LUZP2: variants seen among roughly 807,000 people sequenced by gnomAD.
LUZP2 encodes the protein leucine zipper protein 2.
In LUZP2, 52 loss-of-function variants were observed where a neutral mutation model predicts 51.6. The observed-to-expected ratio is 1.01, with a 90% CI of 0.81 to 1.27. The LOEUF (loss-of-function observed/expected upper bound fraction) is 1.27. Ranked by LOEUF, LUZP2 falls within the 50% of genes most tolerant of loss-of-function variation. The probability of loss-of-function intolerance (pLI) is 0.00; values close to 1 mark genes in which losing one functional copy is unlikely to be tolerated. For synonymous variants in LUZP2, 154 were observed against 137.3 expected (o/e 1.12, Z -0.85); for missense variants, 436 against 395.4 (o/e 1.10, Z -0.87).
At position 24,947,135 on chromosome 11, in the gene LUZP2, A is replaced by G. The variant is rs148049330; in HGVS notation, c.523-29456A>G. On this transcript the variant is annotated intron_variant, in intron 7 of 11. Transcript: ENST00000336930. ...CCAATAACATAAACAGTCAATTTCC[A>G]TATATTTTGTATATTACATGTATTA... Among the ~76,000 whole-genome samples the G allele has an allele frequency of 1.2e-4, 18 of 152,152 alleles. No individual in the cohort carries two copies. In the East Asian group the frequency reaches 3.3e-3, roughly 28 times the overall value.
intron 1 of LUZP2, among the ~76,000 whole-genome samples, chr11:24,633,248 A>G (rs1590270825): frequency 6.6e-6 from 1 of 152,180 alleles, no homozygotes; most frequent in East Asian, 1.9e-4. Context: ...AAAAACAATG[A>G]AACAAACAGA....
intron 9 of LUZP2, among the ~76,000 whole-genome samples, chr11:25,005,283 C>A (rs1856803418): frequency 1.3e-5 from 2 of 152,062 alleles, no homozygotes; most frequent in Admixed American, 1.3e-4. Context: ...GCTGAAAGGT[C>A]CTCCTGTGAG....
chr11:24,513,038 G>T (rs562912243), intron 1 of LUZP2, among the ~76,000 whole-genome samples: 1 of 152,068 alleles, frequency 6.6e-6, no homozygotes, highest in Non-Finnish European at 1.5e-5. Flanking sequence ...GATCACAGGC[G>T]TGAGCCACCG....
At chr11:25,076,590 A>C (rs1859305093) in intron 10 of LUZP2, among the ~76,000 whole-genome samples, 1 of 132,164 alleles carries the variant, frequency 7.6e-6, no homozygotes, top group Non-Finnish European at 1.7e-5. Flanking sequence ...GAGGAAGGGA[A>C]AGAAGAGGGA....
intron 7 of LUZP2, among the ~76,000 whole-genome samples, chr11:24,967,239 T>G (rs1855610045): frequency 1.3e-5 from 2 of 151,908 alleles, no homozygotes; most frequent in Non-Finnish European, 2.9e-5. Context: ...CCTGTGGGAA[T>G]TACAGTCTGT....
chr11:24,896,377 T>C lies in LUZP2; in HGVS notation c.397-9614T>C, dbSNP rs113582025. Among the ~76,000 whole-genome samples, 17 of 152,174 alleles carry C rather than the reference T, an allele frequency of 1.1e-4. 1 individual carries two copies. The highest frequency in any genetic ancestry group is 4.1e-4 in the African/African-American group (17 of 41,548). ...GCGGGGCCTCAGCGGTCCCCACACT[T>C]GGAGCAGCCAGCCGGCCGGCGATGC... On this transcript the variant is annotated intron_variant, in intron 5 of 11. Transcript: ENST00000336930.
chr11:24,905,560 G>A (rs939738310), intron 5 of LUZP2, among the ~76,000 whole-genome samples: 2 of 152,000 alleles, frequency 1.3e-5, no homozygotes, highest in African/African-American at 4.8e-5. Flanking sequence ...AAATATCAGA[G>A]TTAAACTGCG....
At chr11:24,921,333 G>A (rs1854046872) in intron 7 of LUZP2, among the ~76,000 whole-genome samples, 1 of 152,142 alleles carries the variant, frequency 6.6e-6, no homozygotes, top group Non-Finnish European at 1.5e-5. Flanking sequence ...GACCAGGTGT[G>A]TCATTTATGT....
intron 9 of LUZP2, among the ~76,000 whole-genome samples, chr11:25,018,037 G>GTTTTTTTTTTTTTTTTTT (rs1410360304): frequency 7.6e-6 from 1 of 131,094 alleles, no homozygotes; most frequent in Non-Finnish European, 1.6e-5. Flanking sequence ...TTTTGTTTCT[G>GTTTTTTTTTTTTTTTTTT]TTTTTTTTTT....
chr11:24,959,228 G>A (rs1179429461), intron 7 of LUZP2, among the ~76,000 whole-genome samples: 1 of 152,064 alleles, frequency 6.6e-6, no homozygotes, highest in East Asian at 1.9e-4. Flanking sequence ...GGATTGACTT[G>A]GCGATGCGGG....
At chr11:24,963,361 C>G (rs993048332) in intron 7 of LUZP2, among the ~76,000 whole-genome samples, 10 of 152,178 alleles carry the variant, frequency 6.6e-5, no homozygotes, top group Non-Finnish European at 2.9e-5. Flanking sequence ...GTGCCCTGCC[C>G]CCAGAGGTGG....
At chr11:24,687,837 C>A (rs1856940113) in intron 1 of LUZP2, among the ~76,000 whole-genome samples, 1 of 152,108 alleles carries the variant, frequency 6.6e-6, no homozygotes, top group African/African-American at 2.4e-5. Context: ...GATAAGAAAT[C>A]ACTAAAAAGC....
At chr11:25,043,845 T>A (rs900291000) in intron 9 of LUZP2, among the ~76,000 whole-genome samples, 5 of 146,872 alleles carry the variant, frequency 3.4e-5, no homozygotes, top group African/African-American at 1.2e-4. Flanking sequence ...GCTTTTTGCT[T>A]TTGTTGTTGT....
At chr11:24,910,334 T>C (rs931398420) in intron 6 of LUZP2, among the ~76,000 whole-genome samples, 3 of 152,134 alleles carry the variant, frequency 2.0e-5, no homozygotes, top group Non-Finnish European at 4.4e-5. Context: ...CCAATGTTAA[T>C]CACCAAGACA....
chr11:24,522,403 C>T (rs963250745), intron 1 of LUZP2, among the ~76,000 whole-genome samples: 1 of 151,306 alleles, frequency 6.6e-6, no homozygotes, highest in Non-Finnish European at 1.5e-5. Context: ...TTTCATTCAT[C>T]TAATTATGCA....
At chr11:24,587,793 A>G (rs80059404) in intron 1 of LUZP2, among the ~76,000 whole-genome samples, 1 of 152,116 alleles carries the variant, frequency 6.6e-6, no homozygotes, top group African/African-American at 2.4e-5. Context: ...TTTTAAAAAA[A>G]GTAAATGAAA....
At position 24,584,796 on chromosome 11, in the gene LUZP2, A is replaced by T. The variant is rs555464870; in HGVS notation, c.62+87491A>T. 2.3e-3 allele frequency among the ~76,000 whole-genome samples: 343 copies of T among 152,292 alleles called. 2 individuals are homozygous for T. The highest frequency in any genetic ancestry group is 7.8e-3 in the African/African-American group (326 of 41,566). On this transcript the variant is annotated intron_variant, in intron 1 of 11. Coordinates refer to ENST00000336930, the MANE Select transcript of LUZP2 (RefSeq NM_001009909.4). ...TTCTAAGGAAAATTTAGAGAATTCA[A>T]AACTATGATTGAGAAGACCAAGAAA...
intron 1 of LUZP2, among the ~76,000 whole-genome samples, chr11:24,704,956 CTT>C (rs1857530415): frequency 6.6e-6 from 1 of 152,172 alleles, no homozygotes; most frequent in Non-Finnish European, 1.5e-5. Context: ...GCTCATACAT[CTT>C]TAGAATGAGC....
chr11:24,709,833 G>T (rs998500484), intron 1 of LUZP2, among the ~76,000 whole-genome samples: 1 of 152,158 alleles, frequency 6.6e-6, no homozygotes. Flanking sequence ...ATATAATCAG[G>T]TGGTTCTTTC....
Sources: gnomAD v4.1 joint callset for allele counts (sites outside exome capture counted in the v4.1 genomes callset) on GRCh38, gnomAD v4.1.1 for gene constraint, MANE v1.5 for transcripts, NCBI Gene and HGNC (gene_info 2026-07-23, HGNC 2026-07-21) for gene names.